TLN1: variants seen among roughly 807,000 people sequenced by gnomAD.
The protein encoded by TLN1 is talin-1.
TLN1 carries 56 observed loss-of-function variants against 292.3 expected under a neutral mutation model. That is an observed-to-expected ratio of 0.19 (90% CI 0.15 to 0.24). The LOEUF is 0.24. Among genes scored for constraint, TLN1 ranks in the 10% least tolerant of loss-of-function variants. The pLI, the probability that TLN1 is intolerant of heterozygous loss-of-function variation, is 1.00. For synonymous variants in TLN1, 1,119 were observed against 1,253.7 expected (o/e 0.89, Z 2.27); for missense variants, 2,433 against 3,248.2 (o/e 0.75, Z 6.10).
chr9:35,710,214 C>T (rs1384165996), intron 33 of TLN1, among the ~76,000 whole-genome samples: 1 of 123,946 alleles, frequency 8.1e-6, no homozygotes, highest in South Asian at 2.5e-4. Context: ...CAGAGCGAAA[C>T]GCTGTCTCAA....
Position 35,711,775 on chromosome 9 carries a change from C to G in TLN1, c.3699G>C (p.Gly1233=), listed in dbSNP as rs750736567. The G allele has an allele frequency of 3.6e-5, 58 of 1,613,872 alleles. No individual in the cohort carries two copies. Among genetic ancestry groups the G allele is most frequent in the Non-Finnish European group, 4.6e-5 (54 of 1,180,026 alleles). Residue 1233 remains glycine, a synonymous_variant, in exon 29 of 57, where the codon GGG becomes GGC. Coordinates refer to ENST00000314888, the MANE Select transcript of TLN1 (RefSeq NM_006289.4). ...ACCGGCTCTGAGCTTCTTGAAATGTCCCAGTGCTAGGAGGAAGCTGCAAGG... is the reference window on the plus strand; with the variant it reads ...ACCGGCTCTGAGCTTCTTGAAATGTGCCAGTGCTAGGAGGAAGCTGCAAGG... ...LLSDSLPPST[G]TFQEAQSRLN... is the part of the protein sequence containing the mutation.
Position 35,706,807 on chromosome 9 carries a change from G to C in TLN1, c.5049C>G (p.Val1683=), listed in dbSNP as rs1451282108. The C allele has an allele frequency of 6.2e-7, 1 of 1,614,024 alleles. No individual in the cohort carries two copies. The highest frequency in any genetic ancestry group is 1.7e-5 in the Admixed American group (1 of 60,020). ...RDLDQASLAA[V]SQQLAPREGI... is the part of the protein sequence containing the mutation. ...CCTCACGGGGAGCAAGCTGCTGGCT[G>C]ACTGCAGCGAGGGAAGCCTGGTCTA... The change falls in exon 38 of 57, where the codon GTC becomes GTG. Residue 1683 remains valine, a synonymous_variant. Coordinates refer to ENST00000314888, the MANE Select transcript of TLN1 (RefSeq NM_006289.4). This position sits in a 1 kb window ranked among gnomAD's most constrained non-coding sequence, Gnocchi z 4.2.
Position 35,698,857 on chromosome 9 carries a change from A to G in TLN1, c.7076T>C (p.Leu2359Pro). Reference sequence around the variant, plus strand: ...CTGGGCAGCCGACGCAGCCTTTACCAGTGCACTGGTGGCTGCTGCAATGGA... The same window carrying G: ...CTGGGCAGCCGACGCAGCCTTTACCGGTGCACTGGTGGCTGCTGCAATGGA... Reference protein sequence around the residue: ...AKSIAAATSALVKAASAAQRE... With the variant: ...AKSIAAATSAPVKAASAAQRE... The change falls in exon 53 of 57, where the codon CTG becomes CCG. Residue 2359 changes from leucine (L) to proline (P), a missense_variant. Coordinates refer to ENST00000314888, the MANE Select transcript of TLN1 (RefSeq NM_006289.4). This position sits in a 1 kb window ranked among gnomAD's most constrained non-coding sequence, Gnocchi z 5.3. 1 of 1,614,060 alleles carries G rather than the reference A, an allele frequency of 6.2e-7. No homozygotes were observed.
At chr9:35,701,696 TGGTTTGGAC>T (rs1383380906) in intron 48 of TLN1, among the ~76,000 whole-genome samples, 2 of 152,222 alleles carry the variant, frequency 1.3e-5, no homozygotes, top group Middle Eastern at 3.2e-3. Flanking sequence ...GGACTGATGA[TGGTTTGGAC>T]AGTGTGGTAG....
Position 35,705,691 on chromosome 9 carries a change from G to C in TLN1, c.5614-21C>G, listed in dbSNP as rs748755528. 59 of 1,613,306 alleles carry C rather than the reference G, an allele frequency of 3.7e-5. No individual in the cohort carries two copies. In the Admixed American group the frequency reaches 9.3e-4, roughly 26 times the overall value. ...GTAACCTGGTGATAATGGAACGAGT[G>C]AAGTTATATCCAAAGTCAGCTCTCC... is the stretch of plus-strand genomic sequence containing the variant. On this transcript the variant is annotated intron_variant, in intron 42 of 56. Coordinates refer to ENST00000314888, the MANE Select transcript of TLN1 (RefSeq NM_006289.4).
rs1298600461 is a variant in TLN1 at position 35,723,852 on chromosome 9, G to C, written c.782+100C>G. 4 of 1,553,474 alleles carry C rather than the reference G, an allele frequency of 2.6e-6. No individual in the cohort carries two copies. The African/African-American group carries it at 5.5e-5, about 22-fold the overall frequency. ...GTCAAACCCTGGTACCTCGGAAGAA[G>C]AAATAGTGGGGGGCAGGCTTGGAAT... On this transcript the variant is annotated intron_variant, in intron 7 of 56. Coordinates refer to ENST00000314888, the MANE Select transcript of TLN1 (RefSeq NM_006289.4).
At position 35,699,582 on chromosome 9, in the gene TLN1, T is replaced by G; in HGVS notation, c.6769-121A>C. Reference sequence around the variant, plus strand: ...CCTAGAGCACTCCACACCATAGCCCTCAAACTCCACGCTGCCTATCCAAGT... The same window carrying G: ...CCTAGAGCACTCCACACCATAGCCCGCAAACTCCACGCTGCCTATCCAAGT... On this transcript the variant is annotated intron_variant, in intron 50 of 56. Transcript: ENST00000314888. This position sits in a 1 kb window ranked among gnomAD's most constrained non-coding sequence, Gnocchi z 4.0. 7.0e-7 allele frequency: 1 copy of G among 1,436,044 alleles called. No individual in the cohort carries two copies. The highest frequency in any genetic ancestry group is 3.0e-5 in the Admixed American group (1 of 33,830). 89.0% of individuals were successfully genotyped at this position (1,436,044 alleles called of 1,614,324 possible).
chr9:35,712,228 G>A (rs1825686193), intron 27 of TLN1, 104 bp from the exon 28 acceptor site: 1 of 1,426,538 alleles, frequency 7.0e-7, no homozygotes, highest in Non-Finnish European at 9.3e-7. Flanking sequence ...CTCTGAAAGT[G>A]AAAAAAGAAA....
rs745772845 is a variant in TLN1, at chr9:35,698,309, G to A, written c.7371+14C>T. The stretch of plus-strand genomic sequence containing the variant: ...TATAGCCCAAGGGACAATGGGATGG[G>A]TCAGGGTTCTCACCTGAAGTCGTTT... On this transcript the variant is annotated intron_variant, in intron 55 of 56. Transcript: ENST00000314888. The surrounding 1 kb of genome is among the most constrained non-coding windows in gnomAD (Gnocchi z 5.3). 6.2e-6 allele frequency: 10 copies of A among 1,613,640 alleles called. No individual in the cohort carries two copies. Among genetic ancestry groups the A allele is most frequent in the Non-Finnish European group, 8.5e-6 (10 of 1,179,754 alleles).
rs979618156 is a variant in TLN1 at position 35,710,663 on chromosome 9, A to G, written c.4224T>C (p.Thr1408=). ...ENSKVLGEAM[T]GISQNAKNGN... ...CGTTCTTGGCATTTTGGGAGATGCC[A>G]GTCATGGCCTCGCCCAGCACCTGAG... The change falls in exon 33 of 57, where the codon ACT becomes ACC. Residue 1408 remains threonine (T), a synonymous_variant. Transcript: ENST00000314888. 3.8e-5 allele frequency: 61 copies of G among 1,614,118 alleles called. No individual in the cohort carries two copies. Among genetic ancestry groups the G allele is most frequent in the Non-Finnish European group, 5.2e-5 (61 of 1,180,040 alleles).
At chr9:35,728,382 C>T (rs1333953638) in intron 1 of TLN1, among the ~76,000 whole-genome samples, 5 of 152,220 alleles carry the variant, frequency 3.3e-5, no homozygotes, top group East Asian at 1.9e-4. Flanking sequence ...AGTCCGCAAC[C>T]GCTGGCAGTG....
At chr9:35,730,483 A>T (rs982852848) in intron 1 of TLN1, among the ~76,000 whole-genome samples, 4 of 151,166 alleles carry the variant, frequency 2.6e-5, no homozygotes, top group Non-Finnish European at 5.9e-5. Flanking sequence ...GCTTAGATCC[A>T]GGGGGTGACA....
chr9:35,710,155 G>A (rs1436544636), intron 33 of TLN1, among the ~76,000 whole-genome samples: 1 of 147,310 alleles, frequency 6.8e-6, no homozygotes, highest in Non-Finnish European at 1.5e-5. Flanking sequence ...CCCGGGAGGC[G>A]GAGCTTGCAG....
In TLN1 at chr9:35,704,287, G is replaced by A. The variant is rs777489258; in HGVS notation, c.6047+45C>T. ...ATGCTATCCTGCCTCTTCCAGCCCCGTGCCCCGACCTGTCTGCCTCCCTTA... is the reference window on the plus strand; with the variant it reads ...ATGCTATCCTGCCTCTTCCAGCCCCATGCCCCGACCTGTCTGCCTCCCTTA... On this transcript the variant is annotated intron_variant, in intron 45 of 56. Coordinates refer to ENST00000314888, the MANE Select transcript of TLN1 (RefSeq NM_006289.4). The surrounding 1 kb of genome is among the most constrained non-coding windows in gnomAD (Gnocchi z 6.9). The A allele has an allele frequency of 1.2e-5, 19 of 1,596,586 alleles. No individual in the cohort carries two copies. Among genetic ancestry groups the A allele is most frequent in the East Asian group, 6.7e-5 (3 of 44,772 alleles).
At position 35,700,303 on chromosome 9, in the gene TLN1, GTGA is replaced by G; in HGVS notation, c.6545_6547del (p.Ile2182del). The G allele has an allele frequency of 6.2e-7, 1 of 1,613,598 alleles. No individual in the cohort carries two copies. Among genetic ancestry groups the G allele is most frequent in the South Asian group, 1.1e-5 (1 of 91,090 alleles). On this transcript the variant is annotated inframe_deletion, in exon 49 of 57. Coordinates refer to ENST00000314888, the MANE Select transcript of TLN1 (RefSeq NM_006289.4). The stretch of plus-strand genomic sequence containing the variant: ...AGCAACGGCCTTGGCGGTTGCCATG[GTGA>G]TACCCTTGGTCATTCGGATGAAGTC...
intron 33 of TLN1, among the ~76,000 whole-genome samples, chr9:35,709,886 C>CA (rs546437173): frequency 0.046 from 588 of 12,794 alleles, 61 homozygotes; most frequent in Middle Eastern, 0.077. Flanking sequence ...AACTCGGTCT[C>CA]AAAAAAAAAA....
Position 35,717,457 on chromosome 9 carries a change from T to C in TLN1, c.2164-17A>G, listed in dbSNP as rs761443107. 3.7e-6 allele frequency: 6 copies of C among 1,606,366 alleles called. No individual in the cohort carries two copies. In the Admixed American group the frequency reaches 8.4e-5, roughly 22 times the overall value. ...TGCCACCACCTGTAGGTAAAGTGAA[T>C]GTCAGAGACGTAGGCAAGGGAAAGG... On this transcript the variant is annotated splice_polypyrimidine_tract_variant and intron_variant, in intron 18 of 56. Coordinates refer to ENST00000314888, the MANE Select transcript of TLN1 (RefSeq NM_006289.4). This position sits in a 1 kb window ranked among gnomAD's most constrained non-coding sequence, Gnocchi z 4.7.
At chr9:35,725,844 A>G in intron 1 of TLN1, 117 bp from the exon 2 acceptor site, 1 of 817,530 alleles carries the variant, frequency 1.2e-6, no homozygotes, top group East Asian at 2.6e-5. Context: ...GTAGATGGTA[A>G]TAAGGTTGTT....
chr9:35,710,900 G>A lies in TLN1; in HGVS notation c.4114-14C>T, dbSNP rs770912940. 5 of 1,614,030 alleles carry A rather than the reference G, an allele frequency of 3.1e-6. No homozygotes were observed. Among genetic ancestry groups the A allele is most frequent in the Middle Eastern group, 1.6e-4 (1 of 6,084 alleles). On this transcript the variant is annotated splice_polypyrimidine_tract_variant and intron_variant, in intron 31 of 56. Transcript: ENST00000314888. ...TTCCCGGACCGTCTGTGTAGGGGGA[G>A]GGCAAAGTGAGATCCAAGACACCTC...
Sources: allele counts gnomAD v4.1 joint callset (sites outside exome capture counted in the v4.1 genomes callset), GRCh38; gene constraint gnomAD v4.1.1; non-coding constraint Gnocchi (gnomAD v3.1); transcripts MANE v1.5; gene names NCBI Gene and HGNC (gene_info 2026-07-23, HGNC 2026-07-21).